RNF111: variants seen among roughly 807,000 people sequenced by gnomAD.
The protein encoded by RNF111 is E3 ubiquitin-protein ligase Arkadia.
RNF111 carries 17 observed loss-of-function variants against 95.1 expected under a neutral mutation model. The observed-to-expected ratio is 0.18, with a 90% CI of 0.12 to 0.27. The LOEUF (loss-of-function observed/expected upper bound fraction) is 0.27. RNF111 is among the 10% of genes least tolerant of loss of function. The probability of loss-of-function intolerance (pLI) is 1.00; values close to 1 mark genes in which losing one functional copy is unlikely to be tolerated. For synonymous variants in RNF111, 440 were observed against 414.8 expected (o/e 1.06, Z -0.74); for missense variants, 1,189 against 1,210.4 (o/e 0.98, Z 0.26).
At chr15:59,023,640 AT>A (rs764386410) in intron 1 of RNF111, among the ~76,000 whole-genome samples, 8 of 152,200 alleles carry the variant, frequency 5.3e-5, no homozygotes, top group Non-Finnish European at 1.0e-4. Flanking sequence ...AATGAAAAAA[AT>A]TACCTTCTTT....
chr15:59,012,545 A>C (rs1433819259), intron 1 of RNF111, among the ~76,000 whole-genome samples: 2 of 152,140 alleles, frequency 1.3e-5, no homozygotes, highest in Non-Finnish European at 2.9e-5. Context: ...TAACACAAGA[A>C]ATGTGTTTAT....
At chr15:59,012,179 C>T (rs946366811) in intron 1 of RNF111, among the ~76,000 whole-genome samples, 2 of 151,678 alleles carry the variant, frequency 1.3e-5, no homozygotes, top group East Asian at 1.9e-4. Context: ...TCTCCACACC[C>T]GGCTGATTTT....
chr15:59,043,980 A>G (rs1438862028), intron 2 of RNF111, among the ~76,000 whole-genome samples: 3 of 152,204 alleles, frequency 2.0e-5, no homozygotes, highest in East Asian at 1.9e-4. Flanking sequence ...CTAGACATGC[A>G]TAATACTATA....
rs2078733423 is a variant in RNF111, at chr15:59,081,236, T to C, written c.2249T>C (p.Val750Ala). ...PPAQRLHPHE[V>A]MQRMEVQRRR... is the part of the protein sequence containing the mutation. ...GCACAGAGACTGCATCCTCATGAAG[T>C]GATGCAGAGGATGGAAGTTCAAAGG... Residue 750 changes from valine (V) to alanine (A), a missense_variant, in exon 8 of 14, where the codon GTG becomes GCG. Transcript: ENST00000348370. The C allele has an allele frequency of 5.0e-6, 8 of 1,613,994 alleles. No homozygotes were observed. The highest frequency in any genetic ancestry group is 1.7e-5 in the Admixed American group (1 of 60,006).
rs1454691174 is a variant in RNF111, at chr15:59,092,648, G to A, written c.2843+8G>A. ...GGAAGGTGAAGATGTGAGGTAACTA[G>A]ATATTAATTATCTAAAATCCATTGT... On this transcript the variant is annotated splice_region_variant and intron_variant, in intron 13 of 13. Coordinates refer to ENST00000348370, the MANE Select transcript of RNF111 (RefSeq NM_017610.8). 2 of 1,599,894 alleles carry A rather than the reference G, an allele frequency of 1.3e-6. No individual in the cohort carries two copies. Among genetic ancestry groups the A allele is most frequent in the Non-Finnish European group, 1.7e-6 (2 of 1,172,382 alleles).
At chr15:59,081,311 G>A (rs763856077) in intron 8 of RNF111, 27 bp downstream of exon 8, 1 of 1,588,754 alleles carries the variant, frequency 6.3e-7, no homozygotes, top group Non-Finnish European at 8.6e-7. Context: ...TAAAAAGAAA[G>A]TCAAGTTTGC....
chr15:58,994,171 G>T (rs1311682510), intron 1 of RNF111, among the ~76,000 whole-genome samples: 1 of 151,184 alleles, frequency 6.6e-6, no homozygotes, highest in Non-Finnish European at 1.5e-5. Context: ...CCAGGTAGCT[G>T]GGATTAGAGG....
chr15:58,994,152 C>T (rs1341425805), intron 1 of RNF111, among the ~76,000 whole-genome samples: 1 of 149,640 alleles, frequency 6.7e-6, no homozygotes, highest in Non-Finnish European at 1.5e-5. Context: ...ATTTTCCTGA[C>T]TCACCCTCCC....
chr15:59,028,987 C>G (rs911144904), intron 1 of RNF111, among the ~76,000 whole-genome samples: 20 of 152,044 alleles, frequency 1.3e-4, no homozygotes, highest in Non-Finnish European at 2.5e-4. Context: ...ACCATGTTGG[C>G]CAGGCTGATC....
chr15:59,072,082 A>G (rs2042952551), intron 6 of RNF111, among the ~76,000 whole-genome samples: 2 of 152,224 alleles, frequency 1.3e-5, no homozygotes, highest in African/African-American at 2.4e-5. Context: ...TTTATTGCTA[A>G]TACATTTTTT....
At chr15:59,042,727 A>T (rs2041525676) in intron 2 of RNF111, among the ~76,000 whole-genome samples, 1 of 152,056 alleles carries the variant, frequency 6.6e-6, no homozygotes, top group African/African-American at 2.4e-5. Context: ...CACATGTTAA[A>T]TTTTCCACAT....
intron 1 of RNF111, among the ~76,000 whole-genome samples, chr15:58,993,622 A>T (rs1316933219): frequency 6.6e-6 from 1 of 152,174 alleles, no homozygotes; most frequent in South Asian, 2.1e-4. Context: ...TTTCGTTTCT[A>T]TTTGTAAATG....
chr15:59,067,901 G>C (rs1353082209), intron 6 of RNF111, among the ~76,000 whole-genome samples: 1 of 152,082 alleles, frequency 6.6e-6, no homozygotes, highest in Non-Finnish European at 1.5e-5. Context: ...GGGCAGATGA[G>C]GTTTTCAGTT....
chr15:59,060,451 A>T (rs1280949342), intron 5 of RNF111, among the ~76,000 whole-genome samples: 2 of 152,052 alleles, frequency 1.3e-5, no homozygotes, highest in Admixed American at 1.3e-4. Context: ...TGAAGAAAAA[A>T]ACAAAACAAA....
chr15:59,024,375 A>G (rs1359293686), intron 1 of RNF111, among the ~76,000 whole-genome samples: 29 of 152,208 alleles, frequency 1.9e-4, no homozygotes, highest in Admixed American at 1.9e-3. Flanking sequence ...TCATTGCTAG[A>G]GATCTGCCTA....
chr15:59,048,825 T>C (rs765945736), intron 2 of RNF111, among the ~76,000 whole-genome samples: 1 of 152,166 alleles, frequency 6.6e-6, no homozygotes, highest in Non-Finnish European at 1.5e-5. Context: ...CAGTGGCTCA[T>C]ACTTGTAACC....
chr15:59,077,908 T>C lies in RNF111; in HGVS notation c.1948+1693T>C, dbSNP rs572537820. Among the ~76,000 whole-genome samples the C allele has an allele frequency of 3.9e-5, 6 of 152,248 alleles. No homozygotes were observed. In the South Asian group the frequency reaches 1.2e-3, roughly 32 times the overall value. On this transcript the variant is annotated intron_variant, in intron 7 of 13. Transcript: ENST00000348370. ...TTTTGGGCTTCTTTTCCTGAAGGAG[T>C]GTGTGTATTCTCTCCCCAACTTGCC...
At chr15:59,005,022 A>G (rs556164246) in intron 1 of RNF111, among the ~76,000 whole-genome samples, 4 of 152,300 alleles carry the variant, frequency 2.6e-5, no homozygotes, top group East Asian at 3.9e-4. Context: ...ATAATCTCCT[A>G]CATGGTTTAA....
At chr15:59,069,449 T>C (rs1174761277) in intron 6 of RNF111, among the ~76,000 whole-genome samples, 2 of 152,010 alleles carry the variant, frequency 1.3e-5, no homozygotes, top group African/African-American at 4.8e-5. Flanking sequence ...TTGTTATTAA[T>C]AAAATAATAC....
Sources: allele counts gnomAD v4.1 joint callset (sites outside exome capture counted in the v4.1 genomes callset), GRCh38; gene constraint gnomAD v4.1.1; transcripts MANE v1.5; gene names NCBI Gene and HGNC (gene_info 2026-07-23, HGNC 2026-07-21).